Variants in PRUNE2 observed in about 807,000 individuals in gnomAD.
PRUNE2 encodes the protein protein prune homolog 2.
PRUNE2 carries 164 observed loss-of-function variants against 252.0 expected under a neutral mutation model. That is an observed-to-expected ratio of 0.65 (90% CI 0.57 to 0.74). PRUNE2 has a LOEUF of 0.74. Ranked by LOEUF, PRUNE2 falls within the 30% of genes least tolerant of loss-of-function variation. The pLI is 0.00. For missense variants in PRUNE2, 3,495 were observed against 3,711.0 expected (o/e 0.94, Z 1.51); for synonymous variants, 1,292 against 1,350.2 (o/e 0.96, Z 0.94).
At chr9:76,897,387 C>A (rs1317049533) in intron 1 of PRUNE2, among the ~76,000 whole-genome samples, 1 of 118,738 alleles carries the variant, frequency 8.4e-6, no homozygotes, top group Non-Finnish European at 1.7e-5. Flanking sequence ...CTTAGGCAAA[C>A]CTCTTTTTTT....
intron 17 of PRUNE2, among the ~76,000 whole-genome samples, chr9:76,619,851 CATT>C (rs771064102): frequency 9.8e-5 from 15 of 152,316 alleles, no homozygotes; most frequent in Admixed American, 1.3e-4. Flanking sequence ...CAGCTCTCCT[CATT>C]GTTGTTGTTA....
At chr9:76,655,289 C>A in intron 10 of PRUNE2, 134 bp downstream of exon 10, 2 of 730,058 alleles carry the variant, frequency 2.7e-6, no homozygotes, top group Non-Finnish European at 4.8e-6. Flanking sequence ...CTTCATATCA[C>A]ACATTTCTTT....
rs553483166 is a variant in PRUNE2 at position 76,707,705 on chromosome 9, T to C, written c.4569A>G (p.Pro1523=). ...CAAAATTTCCAGACGAACCGGCTCC[T>C]GGAAGGCTATTTTCAGACCCCTTAA... ...LDVKGSENSL[P]GAGSSGNFDR... is the part of the protein sequence containing the mutation. Residue 1523 remains proline, a synonymous_variant, in exon 8 of 19, where the codon CCA becomes CCG. Transcript: ENST00000376718. The C allele has an allele frequency of 6.2e-7, 1 of 1,613,944 alleles. No homozygotes were observed. The highest frequency in any genetic ancestry group is 1.7e-5 in the Admixed American group (1 of 60,028).
Position 76,742,691 on chromosome 9 carries a change from A to C in PRUNE2, c.757-28970T>G, listed in dbSNP as rs113852992. 1.7e-3 allele frequency among the ~76,000 whole-genome samples: 262 copies of C among 152,356 alleles called. 1 individual carries two copies. The highest frequency in any genetic ancestry group is 5.5e-3 in the African/African-American group (229 of 41,582). Reference sequence around the variant, plus strand: ...AATTGAAAAATATGCAAAAGACATAAACATGCAACTGAGAGAAGTAAAAGC... The same window carrying C: ...AATTGAAAAATATGCAAAAGACATACACATGCAACTGAGAGAAGTAAAAGC... On this transcript the variant is annotated intron_variant, in intron 6 of 18. Coordinates refer to ENST00000376718, the MANE Select transcript of PRUNE2 (RefSeq NM_015225.3).
intron 6 of PRUNE2, among the ~76,000 whole-genome samples, chr9:76,744,336 G>A (rs978447625): frequency 2.6e-5 from 4 of 152,238 alleles, no homozygotes; most frequent in Admixed American, 2.6e-4. Context: ...AGAAGAGAGA[G>A]TGGACACAGA....
At position 76,725,547 on chromosome 9, in the gene PRUNE2, A is replaced by G. The variant is rs138701483; in HGVS notation, c.757-11826T>C. 5.5e-3 allele frequency among the ~76,000 whole-genome samples: 839 copies of G among 151,980 alleles called. 10 individuals carry two copies. Among genetic ancestry groups the G allele is most frequent in the African/African-American group, 0.019 (780 of 41,290 alleles). On this transcript the variant is annotated intron_variant, in intron 6 of 18. Coordinates refer to ENST00000376718, the MANE Select transcript of PRUNE2 (RefSeq NM_015225.3). ...TGCTATCAACCCAATGAAAGTAATTAGTTTTTTTTGAAGTCTAAAAAAAAA... is the reference window on the plus strand; with the variant it reads ...TGCTATCAACCCAATGAAAGTAATTGGTTTTTTTTGAAGTCTAAAAAAAAA...
intron 6 of PRUNE2, among the ~76,000 whole-genome samples, chr9:76,723,057 C>G (rs75527875): frequency 9.2e-5 from 14 of 152,298 alleles, no homozygotes; most frequent in African/African-American, 3.1e-4. Context: ...TTTTGAAGAT[C>G]GAACATTACC....
chr9:76,815,512 C>T (rs1433520708), intron 6 of PRUNE2, among the ~76,000 whole-genome samples: 1 of 152,166 alleles, frequency 6.6e-6, no homozygotes, highest in Non-Finnish European at 1.5e-5. Context: ...TTTATAAAGG[C>T]ACTCATGCAT....
intron 3 of PRUNE2, among the ~76,000 whole-genome samples, chr9:76,847,449 A>G (rs1271405864): frequency 6.6e-6 from 1 of 152,160 alleles, no homozygotes; most frequent in Non-Finnish European, 1.5e-5. Context: ...ACATTGTATA[A>G]TACTTTTAAA....
chr9:76,678,697 CG>C (rs1394493195), intron 9 of PRUNE2, among the ~76,000 whole-genome samples: 2 of 151,772 alleles, frequency 1.3e-5, no homozygotes, highest in African/African-American at 2.4e-5. Flanking sequence ...GGCGTGGTGG[CG>C]GGCGCCTGTA....
chr9:76,897,361 T>G (rs1309256357), intron 1 of PRUNE2, among the ~76,000 whole-genome samples: 1 of 149,948 alleles, frequency 6.7e-6, no homozygotes, highest in Admixed American at 6.6e-5. Flanking sequence ...AGCTCTACTC[T>G]TTGTGGCTAT....
chr9:76,743,077 G>A (rs1184628645), intron 6 of PRUNE2, among the ~76,000 whole-genome samples: 3 of 152,150 alleles, frequency 2.0e-5, no homozygotes, highest in Non-Finnish European at 4.4e-5. Flanking sequence ...TTCCCCCTTT[G>A]CTTGGCTCTT....
intron 6 of PRUNE2, among the ~76,000 whole-genome samples, chr9:76,809,967 T>C (rs749501985): frequency 6.6e-6 from 1 of 152,170 alleles, no homozygotes; most frequent in Non-Finnish European, 1.5e-5. Context: ...ATGACTATAG[T>C]GTAGGTTGAG....
At position 76,706,893 on chromosome 9, in the gene PRUNE2, G is replaced by T; in HGVS notation, c.5381C>A (p.Thr1794Lys). ...KEKRSSPETG[T>K]TGDVAWQISP... ...TATTTGCCATGCAACATCTCCTGTT[G>T]TCCCTGTTTCTGGAGAAGATCTCTT... The change falls in exon 8 of 19, where the codon ACA (threonine) becomes AAA (lysine). Residue 1794 changes from threonine (T) to lysine (K), a missense_variant. Coordinates refer to ENST00000376718, the MANE Select transcript of PRUNE2 (RefSeq NM_015225.3). The T allele has an allele frequency of 6.3e-7, 1 of 1,599,438 alleles. No individual in the cohort carries two copies. The highest frequency in any genetic ancestry group is 8.5e-7 in the Non-Finnish European group (1 of 1,172,716).
rs117566986 is a variant in PRUNE2, at chr9:76,718,377, T to C, written c.757-4656A>G. Among the ~76,000 whole-genome samples, 136 of 152,302 alleles carry C rather than the reference T, an allele frequency of 8.9e-4. 1 individual carries two copies. The East Asian group carries it at 0.018, about 20-fold the overall frequency. ...CCTTCTGTTGTCTTCTCAGTCCCCC[T>C]GGTGGGGGATCTGGCTCCGTCATTT... On this transcript the variant is annotated intron_variant, in intron 6 of 18. Transcript: ENST00000376718.
intron 1 of PRUNE2, among the ~76,000 whole-genome samples, chr9:76,858,240 T>C (rs138536115): frequency 1.6e-3 from 246 of 152,352 alleles, no homozygotes; most frequent in African/African-American, 5.7e-3. Flanking sequence ...CTCACTGCAC[T>C]TGCAATTTAG....
At chr9:76,646,434 A>G (rs997628007) in intron 11 of PRUNE2, among the ~76,000 whole-genome samples, 11 of 152,036 alleles carry the variant, frequency 7.2e-5, no homozygotes, top group Non-Finnish European at 1.0e-4. Flanking sequence ...TTTTGCCAAC[A>G]CCAACAGCTA....
intron 11 of PRUNE2, among the ~76,000 whole-genome samples, chr9:76,648,571 A>G (rs1270652576): frequency 1.3e-5 from 2 of 152,258 alleles, no homozygotes; most frequent in African/African-American, 4.8e-5. Flanking sequence ...AAAAAGCTGC[A>G]TATTGTATGA....
intron 1 of PRUNE2, among the ~76,000 whole-genome samples, chr9:76,897,698 G>A (rs2062924684): frequency 6.6e-6 from 1 of 152,060 alleles, no homozygotes; most frequent in African/African-American, 2.4e-5. Context: ...TTACAGGCAT[G>A]AGCCACTGCA....
Sources: gnomAD v4.1 joint callset for allele counts (sites outside exome capture counted in the v4.1 genomes callset) on GRCh38, gnomAD v4.1.1 for gene constraint, MANE v1.5 for transcripts, NCBI Gene and HGNC (gene_info 2026-07-23, HGNC 2026-07-21) for gene names.